The following SGSM1 variants were observed in gnomAD, a reference collection of about 807,000 sequenced individuals.
The protein encoded by SGSM1 is small G protein signaling modulator 1, also known as RUN and TBC1 domain containing 2.
Under a neutral mutation model 133.8 loss-of-function variants are expected in SGSM1, and 73 were observed. The ratio of observed to expected loss-of-function variants is 0.55; its 90% CI spans 0.45 to 0.66. The LOEUF (loss-of-function observed/expected upper bound fraction) is 0.66, where lower values mean the gene tolerates loss of function less well. Ranked by LOEUF, SGSM1 falls within the 30% of genes least tolerant of loss-of-function variation. The probability of loss-of-function intolerance (pLI) is 0.00; values close to 1 mark genes in which losing one functional copy is unlikely to be tolerated. For synonymous variants in SGSM1, 563 were observed against 573.0 expected, an observed-to-expected ratio of 0.98 and a Z score of 0.25; for missense variants, 1,213 against 1,448.1, an observed-to-expected ratio of 0.84 and a Z score of 2.64.
In SGSM1 at chr22:24,855,232, A is replaced by G; in HGVS notation, c.524-53A>G. On this transcript the variant is annotated intron_variant, in intron 6 of 24. Transcript: ENST00000400358. ...GATGGGCGGCCATCTGCTGGTAGAC[A>G]TGCGGGAGGACTTTCCGGGGCAGTG... 3 of 1,575,344 alleles carry G rather than the reference A, an allele frequency of 1.9e-6. No homozygotes were observed. In the South Asian group the frequency reaches 3.5e-5, roughly 18 times the overall value.
At chr22:24,842,787 C>G (rs898954784) in intron 2 of SGSM1, among the ~76,000 whole-genome samples, 1 of 152,222 alleles carries the variant, frequency 6.6e-6, no homozygotes, top group African/African-American at 2.4e-5. Flanking sequence ...AGCTGATGAC[C>G]TGCATGCAGC....
chr22:24,808,207 G>T (rs899949859), intron 2 of SGSM1, among the ~76,000 whole-genome samples: 18 of 149,778 alleles, frequency 1.2e-4, no homozygotes, highest in Admixed American at 2.7e-4. Context: ...TCCACCTCCT[G>T]GGTTCACGCC....
intron 12 of SGSM1, among the ~76,000 whole-genome samples, chr22:24,874,134 G>T (rs948516657): frequency 1.3e-5 from 2 of 152,190 alleles, no homozygotes; most frequent in African/African-American, 4.8e-5. Context: ...CTGCAAAATA[G>T]AAGAGGGAGG....
intron 9 of SGSM1, among the ~76,000 whole-genome samples, chr22:24,860,291 G>T (rs1931048999): frequency 6.6e-6 from 1 of 152,154 alleles, no homozygotes; most frequent in Non-Finnish European, 1.5e-5. Context: ...ACACTTGAAA[G>T]AAATGCTGGG....
intron 2 of SGSM1, among the ~76,000 whole-genome samples, chr22:24,839,638 T>A (rs2147824062): frequency 6.6e-6 from 1 of 152,368 alleles, no homozygotes; most frequent in East Asian, 1.9e-4. Context: ...TGGAGGGTTT[T>A]AACTTACTGA....
At chr22:24,903,271 C>T (rs1164066063) in intron 20 of SGSM1, among the ~76,000 whole-genome samples, 3 of 150,556 alleles carry the variant, frequency 2.0e-5, no homozygotes, top group South Asian at 2.1e-4. Flanking sequence ...TACAGTGGTG[C>T]GATCTCGGCT....
chr22:24,855,170 C>T (rs1930693007), intron 6 of SGSM1, 107 bp downstream of exon 6: 5 of 1,548,658 alleles, frequency 3.2e-6, no homozygotes, highest in African/African-American at 1.4e-5. Context: ...CATGGAAATG[C>T]AGCACTGTTC....
intron 2 of SGSM1, among the ~76,000 whole-genome samples, chr22:24,830,592 G>A (rs1442421783): frequency 9.1e-6 from 1 of 109,350 alleles, no homozygotes; most frequent in South Asian, 2.8e-4. Flanking sequence ...GATGCTGGGA[G>A]TCCACAAGGA....
intron 12 of SGSM1, among the ~76,000 whole-genome samples, chr22:24,871,471 G>A (rs1403414739): frequency 1.3e-5 from 2 of 152,172 alleles, no homozygotes; most frequent in African/African-American, 4.8e-5. Context: ...TAGGTATCGT[G>A]TCTTGAGTGC....
chr22:24,854,154 A>T (rs1172834860), intron 5 of SGSM1, among the ~76,000 whole-genome samples: 2 of 152,160 alleles, frequency 1.3e-5, no homozygotes, highest in Non-Finnish European at 2.9e-5. Context: ...ACCATGTCAG[A>T]TGGCATCACT....
chr22:24,921,118 G>A (rs1222181450), intron 24 of SGSM1, among the ~76,000 whole-genome samples: 1 of 106,938 alleles, frequency 9.4e-6, no homozygotes, highest in African/African-American at 3.5e-5. Context: ...TTTTTTTTTT[G>A]AGACGGAGTC....
At chr22:24,816,817 G>T (rs756547698) in intron 2 of SGSM1, among the ~76,000 whole-genome samples, 41 of 152,194 alleles carry the variant, frequency 2.7e-4, no homozygotes, top group Middle Eastern at 3.2e-3. Context: ...CAGCCTCTCT[G>T]TGGGGAGGTA....
intron 8 of SGSM1, among the ~76,000 whole-genome samples, chr22:24,859,291 A>AT (rs1257282313): frequency 6.6e-6 from 1 of 151,968 alleles, no homozygotes; most frequent in Non-Finnish European, 1.5e-5. Context: ...GTCTCTGAGT[A>AT]TTGTCTCTAG....
intron 14 of SGSM1, among the ~76,000 whole-genome samples, chr22:24,882,159 C>T (rs1002730877): frequency 2.6e-5 from 4 of 152,170 alleles, no homozygotes; most frequent in Admixed American, 6.5e-5. Context: ...CTCTACCTCC[C>T]TGGCTGAAGC....
intron 2 of SGSM1, among the ~76,000 whole-genome samples, chr22:24,818,294 T>G (rs1314646571): frequency 6.6e-6 from 1 of 150,984 alleles, no homozygotes; most frequent in African/African-American, 2.4e-5. Context: ...CATCCAAGAG[T>G]CATCCTCATG....
At chr22:24,833,472 A>C (rs1004125200) in intron 2 of SGSM1, among the ~76,000 whole-genome samples, 1 of 151,410 alleles carries the variant, frequency 6.6e-6, no homozygotes, top group Non-Finnish European at 1.5e-5. Context: ...ATCCTGGCCA[A>C]CATGGTGAAA....
chr22:24,867,253 T>A, intron 10 of SGSM1, 93 bp downstream of exon 10: 2 of 1,231,276 alleles, frequency 1.6e-6, no homozygotes, highest in Non-Finnish European at 2.3e-6. Flanking sequence ...CATGAGCGAA[T>A]GATATGGTGG....
Position 24,868,619 on chromosome 22 carries a change from T to A in SGSM1, c.1158+80T>A, listed in dbSNP as rs901196394. 3.7e-6 allele frequency: 6 copies of A among 1,610,494 alleles called. No individual in the cohort carries two copies. The African/African-American group carries it at 8.0e-5, about 22-fold the overall frequency. ...GGTTGTTTTTGCCTGTGTGCCCTTA[T>A]GTGGCTATGTGGCCTCATGCGCTCT... On this transcript the variant is annotated intron_variant, in intron 11 of 24. Transcript: ENST00000400358.
chr22:24,883,183 C>A (rs1025217291), intron 14 of SGSM1, among the ~76,000 whole-genome samples: 1 of 152,098 alleles, frequency 6.6e-6, no homozygotes, highest in African/African-American at 2.4e-5. Context: ...GGATTACAGG[C>A]ATGAGCCACC....
Sources: gnomAD v4.1 joint callset for allele counts (sites outside exome capture counted in the v4.1 genomes callset) on GRCh38, gnomAD v4.1.1 for gene constraint, MANE v1.5 for transcripts, NCBI Gene and HGNC (gene_info 2026-07-23, HGNC 2026-07-21) for gene names.